Variants in GPR21 observed in about 807,000 individuals in gnomAD.
GPR21 encodes the protein probable G protein-coupled receptor 21.
Under a neutral mutation model 21.5 loss-of-function variants are expected in GPR21, and 9 were observed. The ratio of observed to expected loss-of-function variants is 0.42; its 90% confidence interval spans 0.25 to 0.73. The LOEUF is 0.73. Among genes scored for constraint, GPR21 ranks in the 30% least tolerant of loss-of-function variants. The probability of loss-of-function intolerance (pLI) is 0.27; values close to 1 mark genes in which losing one functional copy is unlikely to be tolerated. For synonymous variants in GPR21, 169 were observed against 159.3 expected, an observed-to-expected ratio of 1.06 and a Z score of -0.46; for missense variants, 416 against 428.9, an observed-to-expected ratio of 0.97 and a Z score of 0.27.
chr9:123,046,078 G>T, the GPR21 span, among the ~76,000 whole-genome samples: 1 of 152,170 alleles, frequency 6.6e-6, no homozygotes, highest in Non-Finnish European at 1.5e-5. Context: ...CTTAAGTACT[G>T]CCTTGATAGT....
the GPR21 span, among the ~76,000 whole-genome samples, chr9:123,047,189 A>G: frequency 2.0e-5 from 3 of 152,180 alleles, no homozygotes; most frequent in African/African-American, 7.2e-5. Context: ...ACGAGTTAAG[A>G]TTTTCTTTCA....
At position 123,034,628 on chromosome 9, in the gene GPR21, A is replaced by G. The variant is rs769816970; in HGVS notation, c.62A>G (p.Tyr21Cys). 6.2e-7 allele frequency: 1 copy of G among 1,613,868 alleles called. No homozygotes were observed. The highest frequency in any genetic ancestry group is 1.3e-5 in the African/African-American group (1 of 75,032). Residue 21 changes from tyrosine to cysteine, a missense_variant, in exon 2 of 2, where the codon TAT (tyrosine) becomes TGT (cysteine). Coordinates refer to ENST00000616002, the MANE Select transcript of GPR21 (RefSeq NM_005294.3). ...SHPFCLLAFG[Y>C]LETVNFCLLE... ...CCTTTTTGCCTCTTGGCATTTGGCT[A>G]TTTGGAAACTGTCAATTTTTGCCTT... is the stretch of plus-strand genomic sequence containing the variant.
At chr9:123,048,707 C>T in the GPR21 span, among the ~76,000 whole-genome samples, 1 of 152,184 alleles carries the variant, frequency 6.6e-6, no homozygotes, top group Non-Finnish European at 1.5e-5. Context: ...CCATAAATTA[C>T]CTTCCCCCTT....
the GPR21 span, among the ~76,000 whole-genome samples, chr9:123,045,585 CTT>C: frequency 6.6e-6 from 1 of 152,110 alleles, no homozygotes; most frequent in Non-Finnish European, 1.5e-5. Context: ...ATTAGGTAAT[CTT>C]AATCTGTCTG....
downstream of GPR21, among the ~76,000 whole-genome samples, chr9:123,039,795 G>A (rs1478624614): frequency 2.0e-5 from 3 of 152,216 alleles, no homozygotes; most frequent in East Asian, 3.9e-4. Context: ...TGGTCACAAG[G>A]CCAAAGGAAC....
At chr9:123,044,973 CAA>C in the GPR21 span, among the ~76,000 whole-genome samples, 1 of 152,034 alleles carries the variant, frequency 6.6e-6, no homozygotes, top group Non-Finnish European at 1.5e-5. Flanking sequence ...ATTTAACAAA[CAA>C]TATATGACAT....
At chr9:123,037,991 A>C, downstream of GPR21, among the ~76,000 whole-genome samples, 1 of 152,184 alleles carries the variant, frequency 6.6e-6, no homozygotes, top group East Asian at 1.9e-4. Flanking sequence ...TATCAGAGGA[A>C]ACATATACTT....
At chr9:123,047,180 C>T in the GPR21 span, among the ~76,000 whole-genome samples, 1 of 152,112 alleles carries the variant, frequency 6.6e-6, no homozygotes, top group Non-Finnish European at 1.5e-5. Flanking sequence ...TTCAGCCAAA[C>T]GAGTTAAGAT....
the GPR21 span, among the ~76,000 whole-genome samples, chr9:123,044,371 C>G: frequency 6.6e-6 from 1 of 152,146 alleles, no homozygotes; most frequent in Non-Finnish European, 1.5e-5. Context: ...AAGCCATTTC[C>G]TATTAATTGT....
chr9:123,034,626 C>G lies in GPR21; in HGVS notation c.60C>G (p.Gly20=), dbSNP rs924851473. Residue 20 remains glycine (G), a synonymous_variant, in exon 2 of 2, where the codon GGC becomes GGG. Coordinates refer to ENST00000616002, the MANE Select transcript of GPR21 (RefSeq NM_005294.3). The part of the protein sequence containing the change: ...SSHPFCLLAF[G]YLETVNFCLL... ...ACCCTTTTTGCCTCTTGGCATTTGGCTATTTGGAAACTGTCAATTTTTGCC... is the reference window on the plus strand; with the variant it reads ...ACCCTTTTTGCCTCTTGGCATTTGGGTATTTGGAAACTGTCAATTTTTGCC... The G allele has an allele frequency of 1.7e-5, 27 of 1,613,556 alleles. No individual in the cohort carries two copies. Among genetic ancestry groups the G allele is most frequent in the Non-Finnish European group, 2.3e-5 (27 of 1,179,666 alleles).
chr9:123,046,665 A>G, the GPR21 span, among the ~76,000 whole-genome samples: 55 of 152,364 alleles, frequency 3.6e-4, no homozygotes, highest in Non-Finnish European at 6.2e-4. Context: ...CACTCAGTAC[A>G]TGTTAGCTGG....
rs752905509 is a variant in GPR21, at chr9:123,034,859, A to G, written c.293A>G (p.Glu98Gly). 1 of 1,614,004 alleles carries G rather than the reference A, an allele frequency of 6.2e-7. No individual in the cohort carries two copies. The highest frequency in any genetic ancestry group is 2.2e-5 in the East Asian group (1 of 44,886). Residue 98 changes from glutamate (E) to glycine (G), a missense_variant, in exon 2 of 2, where the codon GAG (glutamate) becomes GGG (glycine). Coordinates refer to ENST00000616002, the MANE Select transcript of GPR21 (RefSeq NM_005294.3). ...CTCCATCACCCCCTTCCAGTAGAGG[A>G]GTCCTTGACTTGCCAGATATTTGGT... is the stretch of plus-strand genomic sequence containing the variant. ...SLLHHPLPVEESLTCQIFGFV... is the reference protein window; with the variant it reads ...SLLHHPLPVEGSLTCQIFGFV...
chr9:123,047,775 A>C, the GPR21 span, among the ~76,000 whole-genome samples: 1 of 152,126 alleles, frequency 6.6e-6, no homozygotes, highest in Admixed American at 6.6e-5. Context: ...GTGTGAATGC[A>C]GACCTCTTAC....
the GPR21 span, among the ~76,000 whole-genome samples, chr9:123,043,331 G>C: frequency 2.6e-5 from 4 of 152,118 alleles, no homozygotes; most frequent in Non-Finnish European, 4.4e-5. Flanking sequence ...GTCTAAATAG[G>C]AGCAGGAACA....
chr9:123,034,040 T>C (rs1408624744), intron 1 of GPR21, 131 bp from the exon 2 acceptor site: 1 of 160,152 alleles, frequency 6.2e-6, no homozygotes, highest in African/African-American at 2.4e-5. Flanking sequence ...GGGGTGCTAT[T>C]GAGGGTAGCC....
the GPR21 span, among the ~76,000 whole-genome samples, chr9:123,043,664 A>G: frequency 6.6e-6 from 1 of 152,058 alleles, no homozygotes; most frequent in Non-Finnish European, 1.5e-5. Context: ...TGGGTGTAAC[A>G]GAGCTACAGT....
At chr9:123,045,403 A>C in the GPR21 span, among the ~76,000 whole-genome samples, 1 of 152,188 alleles carries the variant, frequency 6.6e-6, no homozygotes, top group African/African-American at 2.4e-5. Context: ...CATTTATAAA[A>C]GTTCCCCTTC....
downstream of GPR21, among the ~76,000 whole-genome samples, chr9:123,039,191 C>G (rs1200075404): frequency 6.6e-6 from 1 of 152,188 alleles, no homozygotes; most frequent in Non-Finnish European, 1.5e-5. Context: ...CACCACTACT[C>G]TGTGCTACTT....
the GPR21 span, among the ~76,000 whole-genome samples, chr9:123,043,788 A>G: frequency 6.6e-6 from 1 of 152,202 alleles, no homozygotes; most frequent in East Asian, 1.9e-4. Context: ...AGCTTTAAAA[A>G]AAGGAGAGGT....
Sources: gnomAD v4.1 joint callset for allele counts (sites outside exome capture counted in the v4.1 genomes callset) on GRCh38, gnomAD v4.1.1 for gene constraint, MANE v1.5 for transcripts, NCBI Gene and HGNC (gene_info 2026-07-23, HGNC 2026-07-21) for gene names.